LINGO2: variants seen among roughly 807,000 people sequenced by gnomAD.
LINGO2 encodes leucine rich repeat and Ig domain containing 2.
LINGO2 carries 14 observed loss-of-function variants against 30.6 expected under a neutral mutation model. The observed-to-expected ratio is 0.46, with a 90% confidence interval of 0.30 to 0.72. The LOEUF (loss-of-function observed/expected upper bound fraction) is 0.72. Among genes scored for constraint, LINGO2 ranks in the 30% least tolerant of loss-of-function variants. The pLI is 0.07. For synonymous variants in LINGO2, 317 were observed against 288.5 expected (o/e 1.10, Z -1.00); for missense variants, 729 against 751.7 (o/e 0.97, Z 0.35).
intron 2 of LINGO2, among the ~76,000 whole-genome samples, chr9:28,398,081 A>G (rs1448232981): frequency 6.6e-6 from 1 of 152,198 alleles, no homozygotes; most frequent in African/African-American, 2.4e-5. Flanking sequence ...TATAAGTGCC[A>G]GGTTGGGAAC....
intron 1 of LINGO2, among the ~76,000 whole-genome samples, chr9:28,579,289 T>C (rs981104493): frequency 2.0e-5 from 3 of 151,976 alleles, no homozygotes; most frequent in African/African-American, 7.2e-5. Context: ...ATGATAAAAA[T>C]ATATATTTTA....
chr9:28,708,045 T>G, the LINGO2 span, among the ~76,000 whole-genome samples: 7 of 152,144 alleles, frequency 4.6e-5, no homozygotes, highest in Non-Finnish European at 8.8e-5. Context: ...TTTTTTTAAC[T>G]TCCTCTATTT....
chr9:28,636,168 G>C (rs1256637992), intron 1 of LINGO2, among the ~76,000 whole-genome samples: 1 of 152,076 alleles, frequency 6.6e-6, no homozygotes, highest in Non-Finnish European at 1.5e-5. Flanking sequence ...TATTTTTTAT[G>C]GCTGCGTAGT....
intron 2 of LINGO2, among the ~76,000 whole-genome samples, chr9:28,386,448 A>T (rs1821584105): frequency 6.6e-6 from 1 of 152,232 alleles, no homozygotes; most frequent in Non-Finnish European, 1.5e-5. Flanking sequence ...AACATTTTAA[A>T]TAATGATGAA....
upstream of LINGO2, among the ~76,000 whole-genome samples, chr9:28,674,668 A>G (rs1829150063): frequency 6.6e-6 from 1 of 152,210 alleles, no homozygotes; most frequent in Non-Finnish European, 1.5e-5. Context: ...TCAAAAGGAA[A>G]TGAATCCTCT....
the LINGO2 span, among the ~76,000 whole-genome samples, chr9:29,007,074 G>A: frequency 6.5e-3 from 986 of 152,122 alleles, 13 homozygotes; most frequent in African/African-American, 0.023. Context: ...TGACAATACC[G>A]TAAGTATAAT....
chr9:28,701,302 G>T, the LINGO2 span, among the ~76,000 whole-genome samples: 2 of 151,770 alleles, frequency 1.3e-5, no homozygotes, highest in African/African-American at 4.8e-5. Flanking sequence ...TTTGTGTTCA[G>T]ACCTATGCTC....
At chr9:29,011,133 T>C in the LINGO2 span, among the ~76,000 whole-genome samples, 1 of 152,188 alleles carries the variant, frequency 6.6e-6, no homozygotes, top group African/African-American at 2.4e-5. Context: ...AATTACAAAC[T>C]AATCACTGTT....
chr9:27,984,610 A>G (rs1319219040), intron 5 of LINGO2, among the ~76,000 whole-genome samples: 1 of 151,838 alleles, frequency 6.6e-6, no homozygotes, highest in Non-Finnish European at 1.5e-5. Context: ...AATTCTTTCT[A>G]CTATAGATCA....
At chr9:29,043,468 T>C in the LINGO2 span, among the ~76,000 whole-genome samples, 2 of 151,986 alleles carry the variant, frequency 1.3e-5, no homozygotes, top group African/African-American at 2.4e-5. Flanking sequence ...CTCTATAAAT[T>C]AGAACTTCTG....
intron 4 of LINGO2, among the ~76,000 whole-genome samples, chr9:28,186,226 G>C (rs1819536991): frequency 6.6e-6 from 1 of 152,020 alleles, no homozygotes; most frequent in Admixed American, 6.6e-5. Context: ...TACACAAACT[G>C]GTATTTCTTT....
chr9:28,406,803 G>A (rs1380086501), intron 2 of LINGO2, among the ~76,000 whole-genome samples: 3 of 152,038 alleles, frequency 2.0e-5, no homozygotes, highest in Non-Finnish European at 4.4e-5. Context: ...TTTTATAAAG[G>A]TACTGTGAAA....
intron 4 of LINGO2, among the ~76,000 whole-genome samples, chr9:28,239,234 C>T (rs1033037372): frequency 6.6e-6 from 1 of 152,030 alleles, no homozygotes; most frequent in Non-Finnish European, 1.5e-5. Context: ...ACCAATACCA[C>T]TCAGACTGTT....
chr9:28,215,207 C>G (rs967552233), intron 4 of LINGO2, among the ~76,000 whole-genome samples: 2 of 151,720 alleles, frequency 1.3e-5, no homozygotes, highest in Admixed American at 6.6e-5. Context: ...GCTATGATAT[C>G]TAACAATAAC....
At chr9:28,575,813 C>A (rs16913306) in intron 1 of LINGO2, among the ~76,000 whole-genome samples, 4,384 of 152,076 alleles carry the variant, frequency 0.029, 106 homozygotes, top group Admixed American at 0.06. Context: ...CATGGAACAT[C>A]CCAGGTCTCC....
At chr9:28,721,709 T>C in the LINGO2 span, among the ~76,000 whole-genome samples, 3 of 151,702 alleles carry the variant, frequency 2.0e-5, no homozygotes, top group South Asian at 2.1e-4. Flanking sequence ...ACCCAATGCA[T>C]GTGGGGCTTA....
At chr9:29,044,684 C>T in the LINGO2 span, among the ~76,000 whole-genome samples, 1 of 151,742 alleles carries the variant, frequency 6.6e-6, no homozygotes, top group Admixed American at 6.6e-5. Flanking sequence ...TTCAAGTAAC[C>T]TAAATTTTTA....
the LINGO2 span, among the ~76,000 whole-genome samples, chr9:28,882,436 A>G: frequency 6.6e-6 from 1 of 152,182 alleles, no homozygotes; most frequent in African/African-American, 2.4e-5. Flanking sequence ...TGGTACAGCT[A>G]CTAGAACACT....
the LINGO2 span, among the ~76,000 whole-genome samples, chr9:28,780,186 A>G: frequency 2.0e-5 from 3 of 152,298 alleles, no homozygotes; most frequent in Non-Finnish European, 4.4e-5. Flanking sequence ...ACTTAAAAAG[A>G]GAATGTTGCC....
Sources: gnomAD v4.1 joint callset for allele counts (sites outside exome capture counted in the v4.1 genomes callset) on GRCh38, gnomAD v4.1.1 for gene constraint, MANE v1.5 for transcripts, NCBI Gene and HGNC (gene_info 2026-07-23, HGNC 2026-07-21) for gene names.